Variants in PCED1B observed in about 807,000 individuals in gnomAD.
PCED1B encodes the protein PC-esterase domain containing 1B.
For synonymous variants in PCED1B, 251 were observed against 246.1 expected, an observed-to-expected ratio of 1.02 and a Z score of -0.19; for missense variants, 573 against 573.9, an observed-to-expected ratio of 1.00 and a Z score of 0.02.
intron 2 of PCED1B, among the ~76,000 whole-genome samples, chr12:47,186,292 C>T (rs1366425984): frequency 4.3e-5 from 5 of 117,158 alleles, no homozygotes; most frequent in Non-Finnish European, 3.9e-5. Flanking sequence ...AGAGAAGTGG[C>T]AAGACAAAGG....
intron 3 of PCED1B, among the ~76,000 whole-genome samples, chr12:47,229,490 A>G (rs1943733523): frequency 6.6e-6 from 1 of 152,112 alleles, no homozygotes; most frequent in East Asian, 1.9e-4. Flanking sequence ...TGATTTCAGA[A>G]TATTTGCATG....
intron 2 of PCED1B, among the ~76,000 whole-genome samples, chr12:47,120,194 C>G (rs1347783503): frequency 6.6e-6 from 1 of 152,018 alleles, no homozygotes; most frequent in Non-Finnish European, 1.5e-5. Flanking sequence ...CAAATGTTGA[C>G]AAGGGTGTGG....
intron 2 of PCED1B, among the ~76,000 whole-genome samples, chr12:47,106,696 C>G (rs1938965186): frequency 6.6e-6 from 1 of 152,182 alleles, no homozygotes; most frequent in African/African-American, 2.4e-5. Flanking sequence ...TCTGTTTTCC[C>G]TCCTCCCCGC....
At chr12:47,180,493 A>G (rs1175610054) in intron 2 of PCED1B, among the ~76,000 whole-genome samples, 1 of 152,258 alleles carries the variant, frequency 6.6e-6, no homozygotes, top group African/African-American at 2.4e-5. Context: ...AAAGACTTCA[A>G]TATAAAACCC....
chr12:47,172,571 A>G (rs1181726425), intron 2 of PCED1B, among the ~76,000 whole-genome samples: 1 of 152,174 alleles, frequency 6.6e-6, no homozygotes, highest in Non-Finnish European at 1.5e-5. Flanking sequence ...ACATAGTGAA[A>G]TAGCATGAAT....
chr12:47,148,873 C>T (rs1391205526), intron 2 of PCED1B, among the ~76,000 whole-genome samples: 1 of 152,216 alleles, frequency 6.6e-6, no homozygotes, highest in Non-Finnish European at 1.5e-5. Flanking sequence ...CTGTTTTCAA[C>T]ATTTGTCACT....
intron 2 of PCED1B, among the ~76,000 whole-genome samples, chr12:47,149,728 A>G (rs548562164): frequency 1.4e-4 from 21 of 152,334 alleles, no homozygotes; most frequent in African/African-American, 4.6e-4. Context: ...AGGAGAAAAC[A>G]TGTTTCATTT....
chr12:47,210,064 G>A (rs1475430472), intron 2 of PCED1B: 1 of 152,130 alleles, frequency 6.6e-6, no homozygotes, highest in Non-Finnish European at 1.5e-5. Context: ...GTAACCGGGT[G>A]GATATTGATT....
chr12:47,177,551 C>T (rs1004417897), intron 2 of PCED1B, among the ~76,000 whole-genome samples: 5 of 151,998 alleles, frequency 3.3e-5, no homozygotes, highest in South Asian at 2.1e-4. Context: ...TCAAAGGAGA[C>T]GGGAGAGATG....
At chr12:47,115,070 G>T (rs1880601) in intron 2 of PCED1B, among the ~76,000 whole-genome samples, 1 of 151,926 alleles carries the variant, frequency 6.6e-6, no homozygotes, top group South Asian at 2.1e-4. Flanking sequence ...TTATCTAAGT[G>T]TATAAAAAGG....
chr12:47,146,103 C>T (rs1940773658), intron 2 of PCED1B, among the ~76,000 whole-genome samples: 1 of 152,134 alleles, frequency 6.6e-6, no homozygotes, highest in Non-Finnish European at 1.5e-5. Context: ...TTCCAGTTCT[C>T]ATGGGTGACT....
At chr12:47,094,257 A>G (rs1251171823) in intron 1 of PCED1B, among the ~76,000 whole-genome samples, 1 of 152,118 alleles carries the variant, frequency 6.6e-6, no homozygotes, top group Non-Finnish European at 1.5e-5. Context: ...AGACAGCTTT[A>G]GGAGCAGGGG....
chr12:47,154,363 G>A (rs1026480270), intron 2 of PCED1B, among the ~76,000 whole-genome samples: 2 of 152,014 alleles, frequency 1.3e-5, no homozygotes, highest in Non-Finnish European at 2.9e-5. Context: ...AGGGAGCTGG[G>A]GTTTTGTTTT....
chr12:47,173,204 A>G (rs1941807611), intron 2 of PCED1B, among the ~76,000 whole-genome samples: 1 of 152,208 alleles, frequency 6.6e-6, no homozygotes, highest in Non-Finnish European at 1.5e-5. Flanking sequence ...TTCCTTCAAA[A>G]CCTGATATGT....
rs550327572 is a variant in PCED1B at position 47,160,659 on chromosome 12, GT to G, written c.-525-55559del. On this transcript the variant is annotated intron_variant, in intron 2 of 3. Coordinates refer to ENST00000546455, the MANE Select transcript of PCED1B (RefSeq NM_138371.3). ...CCAAGAAATCAGTGACAAATCCAAT[GT>G]TTTGATGCTATTTTCATATTTTCTT... 2.6e-4 allele frequency among the ~76,000 whole-genome samples: 40 copies of G among 152,046 alleles called. No homozygotes were observed. In the South Asian group the frequency reaches 6.4e-3, roughly 24 times the overall value.
At chr12:47,140,736 A>T (rs144445743) in intron 2 of PCED1B, among the ~76,000 whole-genome samples, 42 of 152,342 alleles carry the variant, frequency 2.8e-4, no homozygotes, top group African/African-American at 9.6e-4. Context: ...GCTGCATGCA[A>T]AAAAAGAAAA....
intron 3 of PCED1B, among the ~76,000 whole-genome samples, chr12:47,218,387 C>T (rs761202297): frequency 3.7e-4 from 57 of 152,252 alleles, no homozygotes; most frequent in Non-Finnish European, 7.5e-4. Context: ...TTCTTCCGCT[C>T]CAAGCCGTAG....
chr12:47,107,546 G>A (rs1233510914), intron 2 of PCED1B, among the ~76,000 whole-genome samples: 2 of 152,218 alleles, frequency 1.3e-5, no homozygotes, highest in African/African-American at 4.8e-5. Flanking sequence ...AGCACTAGAA[G>A]GGCCTTGGTA....
intron 3 of PCED1B, among the ~76,000 whole-genome samples, chr12:47,217,477 A>AAAAAGAAGAAAGC (rs1491125026): frequency 9.0e-6 from 1 of 110,782 alleles, no homozygotes; most frequent in Non-Finnish European, 1.9e-5. Flanking sequence ...AAAGAGAAAG[A>AAAAAGAAGAAAGC]AAGAAAGAAA....
Sources: gnomAD v4.1 joint callset for allele counts (sites outside exome capture counted in the v4.1 genomes callset) on GRCh38, gnomAD v4.1.1 for gene constraint, MANE v1.5 for transcripts, NCBI Gene and HGNC (gene_info 2026-07-23, HGNC 2026-07-21) for gene names.